Variants in THEMIS observed in about 807,000 individuals in gnomAD.
The protein encoded by THEMIS is thymocyte selection associated.
Under a neutral mutation model 52.6 loss-of-function variants are expected in THEMIS, and 37 were observed. That is an observed-to-expected ratio of 0.70 (90% CI 0.54 to 0.93). The LOEUF (loss-of-function observed/expected upper bound fraction) is 0.93. THEMIS is among the 40% of genes least tolerant of loss of function. The pLI, the probability that THEMIS is intolerant of heterozygous loss-of-function variation, is 0.00. For missense variants in THEMIS, 808 were observed against 763.1 expected (o/e 1.06, Z -0.69); for synonymous variants, 292 against 272.7 (o/e 1.07, Z -0.70).
At chr6:127,784,385 TA>T (rs931342912) in intron 4 of THEMIS, among the ~76,000 whole-genome samples, 7 of 150,394 alleles carry the variant, frequency 4.7e-5, no homozygotes, top group African/African-American at 1.2e-4. Flanking sequence ...AAAGTATATG[TA>T]AAAAAAAAAT....
At chr6:127,703,866 G>A (rs1006034133), downstream of THEMIS, among the ~76,000 whole-genome samples, 17 of 152,146 alleles carry the variant, frequency 1.1e-4, no homozygotes, top group Non-Finnish European at 2.9e-5. Flanking sequence ...ATAAAGAACA[G>A]AAATTTATTG....
At chr6:127,731,563 G>T in intron 4 of THEMIS, among the ~76,000 whole-genome samples, 1 of 145,916 alleles carries the variant, frequency 6.9e-6, no homozygotes. Flanking sequence ...TTTTTTCTAA[G>T]CATTTGTCAA....
intron 4 of THEMIS, among the ~76,000 whole-genome samples, chr6:127,776,549 A>G (rs1776572071): frequency 6.6e-6 from 1 of 152,186 alleles, no homozygotes; most frequent in African/African-American, 2.4e-5. Flanking sequence ...TGAGTCAGCA[A>G]TTTTGATGAA....
intron 4 of THEMIS, among the ~76,000 whole-genome samples, chr6:127,784,039 T>C (rs1776839039): frequency 6.6e-6 from 1 of 152,190 alleles, no homozygotes; most frequent in Non-Finnish European, 1.5e-5. Context: ...ATATACACCA[T>C]GGAATACTAT....
chr6:127,842,919 T>G (rs1476398021), intron 2 of THEMIS, among the ~76,000 whole-genome samples: 1 of 151,964 alleles, frequency 6.6e-6, no homozygotes, highest in East Asian at 1.9e-4. Context: ...TCGGGCTCAC[T>G]GTCTCCTTAG....
intron 4 of THEMIS, among the ~76,000 whole-genome samples, chr6:127,720,883 G>A (rs1427176784): frequency 2.0e-5 from 3 of 151,270 alleles, no homozygotes; most frequent in Admixed American, 2.0e-4. Context: ...GATTTCTTAA[G>A]ATTTTTAATG....
Position 127,813,317 on chromosome 6 carries a change from T to A in THEMIS, c.1324A>T (p.Lys442Ter). 6.2e-7 allele frequency: 1 copy of A among 1,614,126 alleles called. No individual in the cohort carries two copies. The highest frequency in any genetic ancestry group is 1.1e-5 in the South Asian group (1 of 91,086). The part of the protein sequence containing the change: ...GGFVEVIHDK[K>*]QYPISELCKQ... ...CAGAGCTCAGAAATCGGGTACTGTT[T>A]CTTATCATGAATCACCTCTACAAAA... The change falls in exon 4 of 6, where the codon AAA (lysine) becomes TAA (stop). Residue 442 changes from lysine to a stop codon, truncating the protein, a stop_gained. Transcript: ENST00000368248. LOFTEE classifies it high-confidence loss of function.
At position 127,809,675 on chromosome 6, in the gene THEMIS, C is replaced by T. The variant is rs150664750; in HGVS notation, c.1758+3208G>A. ...CCTGACAATATCACTGACATGATTT[C>T]CTATCTTCTACTATAAACATTTTGG... is the stretch of plus-strand genomic sequence containing the variant. On this transcript the variant is annotated intron_variant, in intron 4 of 5. Coordinates refer to ENST00000368248, the MANE Select transcript of THEMIS (RefSeq NM_001010923.3). Among the ~76,000 whole-genome samples the T allele has an allele frequency of 5.3e-5, 8 of 152,086 alleles. No individual in the cohort carries two copies. The East Asian group carries it at 1.5e-3, about 29-fold the overall frequency.
chr6:127,744,211 G>T (rs1775304564), intron 4 of THEMIS, among the ~76,000 whole-genome samples: 1 of 152,022 alleles, frequency 6.6e-6, no homozygotes, highest in African/African-American at 2.4e-5. Flanking sequence ...ATTTTTGGTG[G>T]AAACAACATG....
intron 2 of THEMIS, among the ~76,000 whole-genome samples, chr6:127,832,647 C>T (rs972280): frequency 2.6e-5 from 4 of 151,808 alleles, no homozygotes; most frequent in African/African-American, 9.7e-5. Flanking sequence ...CTTTGTTATT[C>T]TTCCAAAGAA....
At chr6:127,897,847 T>C (rs998300750) in intron 1 of THEMIS, among the ~76,000 whole-genome samples, 1 of 151,624 alleles carries the variant, frequency 6.6e-6, no homozygotes, top group South Asian at 2.1e-4. Context: ...ATGACAAAAT[T>C]ACTGGAAACT....
chr6:127,736,307 G>C (rs1487703301), intron 4 of THEMIS, among the ~76,000 whole-genome samples: 1 of 152,072 alleles, frequency 6.6e-6, no homozygotes, highest in Non-Finnish European at 1.5e-5. Flanking sequence ...ATGAAGTATA[G>C]TTGTCTCTCT....
At chr6:127,807,044 G>A (rs140315683) in intron 4 of THEMIS, among the ~76,000 whole-genome samples, 1 of 152,250 alleles carries the variant, frequency 6.6e-6, no homozygotes, top group African/African-American at 2.4e-5. Flanking sequence ...CTTACTCTAA[G>A]GAAAGCTCAA....
chr6:127,906,325 T>G (rs940665556), intron 1 of THEMIS, among the ~76,000 whole-genome samples: 15 of 151,806 alleles, frequency 9.9e-5, no homozygotes, highest in Non-Finnish European at 1.8e-4. Context: ...TAAAGAAAAT[T>G]CACAGCTTTC....
chr6:127,705,530 G>A (rs1773788468), downstream of THEMIS, among the ~76,000 whole-genome samples: 1 of 152,124 alleles, frequency 6.6e-6, no homozygotes, highest in African/African-American at 2.4e-5. Context: ...CTAGTCAGTT[G>A]GTAAGAATTT....
intron 4 of THEMIS, among the ~76,000 whole-genome samples, chr6:127,779,884 A>G (rs1026738102): frequency 5.3e-5 from 8 of 152,198 alleles, no homozygotes; most frequent in Non-Finnish European, 1.0e-4. Flanking sequence ...TGTTTCATAA[A>G]GAACAGCTCT....
At chr6:127,766,931 C>T (rs1755693084) in intron 4 of THEMIS, among the ~76,000 whole-genome samples, 1 of 152,026 alleles carries the variant, frequency 6.6e-6, no homozygotes, top group Non-Finnish European at 1.5e-5. Flanking sequence ...TAAACTTTGG[C>T]TACATTCAGT....
intron 1 of THEMIS, among the ~76,000 whole-genome samples, chr6:127,900,498 T>G (rs1781103815): frequency 1.3e-5 from 2 of 152,082 alleles, no homozygotes; most frequent in Non-Finnish European, 2.9e-5. Context: ...ATTTTATTTT[T>G]TATATTGTGG....
intron 3 of THEMIS, among the ~76,000 whole-genome samples, chr6:127,817,654 G>C (rs568557956): frequency 2.5e-4 from 38 of 152,004 alleles, no homozygotes; most frequent in Admixed American, 4.6e-4. Context: ...ATTCACCAGA[G>C]AATTGAGGTC....
Sources: allele counts gnomAD v4.1 joint callset (sites outside exome capture counted in the v4.1 genomes callset), GRCh38; gene constraint gnomAD v4.1.1; transcripts MANE v1.5; gene names NCBI Gene and HGNC (gene_info 2026-07-23, HGNC 2026-07-21).